Variants in CLDN10 observed in about 807,000 individuals in gnomAD.
CLDN10 encodes claudin 10, also known as claudin-10.
CLDN10 carries 15 observed loss-of-function variants against 22.9 expected under a neutral mutation model. The observed-to-expected ratio is 0.65, with a 90% CI of 0.44 to 1.01. The LOEUF is 1.01. Ranked by LOEUF, CLDN10 falls within the 50% of genes least tolerant of loss-of-function variation. The pLI is 0.00. For synonymous variants in CLDN10, 114 were observed against 111.4 expected (o/e 1.02, Z -0.15); for missense variants, 247 against 287.8 (o/e 0.86, Z 1.03).
intron 1 of CLDN10, among the ~76,000 whole-genome samples, chr13:95,469,456 G>A (rs2042610203): frequency 6.6e-6 from 1 of 152,162 alleles, no homozygotes; most frequent in Non-Finnish European, 1.5e-5. Flanking sequence ...TTTGTCTTTA[G>A]GAGGAAAATG....
intron 1 of CLDN10, among the ~76,000 whole-genome samples, chr13:95,481,805 A>G (rs2042749729): frequency 2.0e-5 from 3 of 152,178 alleles, no homozygotes; most frequent in Admixed American, 2.0e-4. Context: ...GGATCACCTG[A>G]GATCAGGAGT....
chr13:95,562,609 A>G (rs923862949), intron 3 of CLDN10, among the ~76,000 whole-genome samples: 1 of 152,242 alleles, frequency 6.6e-6, no homozygotes, highest in Non-Finnish European at 1.5e-5. Context: ...TGAAGCTTAG[A>G]AATATTTTAA....
At chr13:95,450,274 C>T (rs146400776) in intron 1 of CLDN10, among the ~76,000 whole-genome samples, 36 of 152,296 alleles carry the variant, frequency 2.4e-4, no homozygotes, top group South Asian at 1.9e-3. Context: ...TGCTCCAACT[C>T]ACAATTCTGG....
chr13:95,469,951 G>C (rs973415859), intron 1 of CLDN10, among the ~76,000 whole-genome samples: 1 of 152,058 alleles, frequency 6.6e-6, no homozygotes, highest in African/African-American at 2.4e-5. Flanking sequence ...TCTTCTCACC[G>C]TATTCTATTT....
intron 1 of CLDN10, among the ~76,000 whole-genome samples, chr13:95,501,703 T>C (rs1337743694): frequency 6.6e-6 from 1 of 152,206 alleles, no homozygotes; most frequent in Non-Finnish European, 1.5e-5. Context: ...TATAATTGGG[T>C]CTTGCCTATT....
At chr13:95,444,592 G>A (rs140869346) in intron 1 of CLDN10, among the ~76,000 whole-genome samples, 1,976 of 152,266 alleles carry the variant, frequency 0.013, 54 homozygotes, top group African/African-American at 0.045. Context: ...TCAAAGAGCT[G>A]AGGCTTGAAC....
chr13:95,445,562 T>C (rs1309201795), intron 1 of CLDN10, among the ~76,000 whole-genome samples: 1 of 152,220 alleles, frequency 6.6e-6, no homozygotes, highest in East Asian at 1.9e-4. Flanking sequence ...TCTCCAAGGA[T>C]TTCTGCCAGG....
In CLDN10 at chr13:95,480,272, G is replaced by A. The variant is rs556991874; in HGVS notation, c.214+46225G>A. 5.3e-5 allele frequency among the ~76,000 whole-genome samples: 8 copies of A among 152,298 alleles called. No homozygotes were observed. In the South Asian group the frequency reaches 1.2e-3, roughly 24 times the overall value. On this transcript the variant is annotated intron_variant, in intron 1 of 4. Transcript: ENST00000376873. Reference sequence around the variant, plus strand: ...GGAGCTATAATTCAAAATGAGATTTGAGTGGGGTCACAGCCAAACCATATC... The same window carrying A: ...GGAGCTATAATTCAAAATGAGATTTAAGTGGGGTCACAGCCAAACCATATC...
intron 1 of CLDN10, among the ~76,000 whole-genome samples, chr13:95,507,988 T>C (rs2043056411): frequency 6.6e-6 from 1 of 152,044 alleles, no homozygotes; most frequent in Non-Finnish European, 1.5e-5. Context: ...CTAGGGAGGC[T>C]GAGGTGAAAG....
chr13:95,452,339 C>G lies in CLDN10; in HGVS notation c.214+18292C>G, dbSNP rs550949171. On this transcript the variant is annotated intron_variant, in intron 1 of 4. Coordinates refer to the CLDN10 transcript ENST00000376873. ...CCCTCCCTGTATTGGAAAGGTACTG[C>G]TGAGAAAAATCATAATTTATTATTA... is the stretch of plus-strand genomic sequence containing the variant. 6.6e-5 allele frequency among the ~76,000 whole-genome samples: 10 copies of G among 152,250 alleles called. No homozygotes were observed. The South Asian group carries it at 1.9e-3, about 28-fold the overall frequency.
At chr13:95,434,458 T>C (rs529318630) in intron 1 of CLDN10, among the ~76,000 whole-genome samples, 1,436 of 97,742 alleles carry the variant, frequency 0.015, 24 homozygotes, top group African/African-American at 0.053. Flanking sequence ...TCTCTCTCTC[T>C]ATATATATAT....
At chr13:95,434,134 A>G in intron 1 of CLDN10, 1 of 1,198,570 alleles carries the variant, frequency 8.3e-7, no homozygotes, top group Non-Finnish European at 1.2e-6. Context: ...GCTGGCTGTT[A>G]ACTCTCTGAA....
At chr13:95,549,268 A>G (rs544559305), upstream of CLDN10, among the ~76,000 whole-genome samples, 17 of 152,342 alleles carry the variant, frequency 1.1e-4, no homozygotes, top group South Asian at 3.3e-3. Flanking sequence ...TCACTTTTAT[A>G]TTTAAATTAA....
chr13:95,562,234 G>A (rs951602447), intron 3 of CLDN10, among the ~76,000 whole-genome samples: 8 of 151,576 alleles, frequency 5.3e-5, no homozygotes, highest in Non-Finnish European at 1.0e-4. Flanking sequence ...GCCCGGCCCC[G>A]GATAATTTTT....
At chr13:95,511,273 T>A (rs1419398871) in intron 1 of CLDN10, among the ~76,000 whole-genome samples, 1 of 152,028 alleles carries the variant, frequency 6.6e-6, no homozygotes, top group African/African-American at 2.4e-5. Context: ...TCCAAGCCAT[T>A]GTGGGATTTT....
intron 1 of CLDN10, among the ~76,000 whole-genome samples, chr13:95,546,943 G>C (rs1489769440): frequency 6.6e-6 from 1 of 151,722 alleles, no homozygotes; most frequent in African/African-American, 2.4e-5. Context: ...CCTTATCATT[G>C]GTCACTTCTT....
intron 1 of CLDN10, among the ~76,000 whole-genome samples, chr13:95,450,150 C>T (rs1256798512): frequency 6.6e-6 from 1 of 152,232 alleles, no homozygotes; most frequent in South Asian, 2.1e-4. Flanking sequence ...GCTGGGATTA[C>T]AGGCATGAGC....
At chr13:95,513,050 G>GT (rs906737658) in intron 1 of CLDN10, among the ~76,000 whole-genome samples, 6 of 151,938 alleles carry the variant, frequency 3.9e-5, no homozygotes, top group Non-Finnish European at 7.4e-5. Context: ...TAATTTTTAA[G>GT]TTTTTTGTGG....
intron 1 of CLDN10, 21 bp downstream of exon 1, chr13:95,552,994 C>CGCCCTCA: frequency 6.2e-7 from 1 of 1,612,016 alleles, no homozygotes; most frequent in Non-Finnish European, 8.5e-7. Context: ...CCGCGGCCCC[C>CGCCCTCA]GCCCTCAGCC....
Sources: allele counts gnomAD v4.1 joint callset (sites outside exome capture counted in the v4.1 genomes callset), GRCh38; gene constraint gnomAD v4.1.1; transcripts MANE v1.5; gene names NCBI Gene and HGNC (gene_info 2026-07-23, HGNC 2026-07-21).